The following KDM4C variants were observed in gnomAD, a reference collection of about 807,000 sequenced individuals.
The protein encoded by KDM4C is lysine demethylase 4C.
In KDM4C, 81 loss-of-function variants were observed where a neutral mutation model predicts 129.3. The ratio of observed to expected loss-of-function variants is 0.63; its 90% CI spans 0.52 to 0.75. The LOEUF (loss-of-function observed/expected upper bound fraction) is 0.75, where lower values mean the gene tolerates loss of function less well. Among genes scored for constraint, KDM4C ranks in the 30% least tolerant of loss-of-function variants. KDM4C has a pLI of 0.00. For missense variants in KDM4C, 1,457 were observed against 1,304.0 expected (o/e 1.12, Z -1.81); for synonymous variants, 573 against 456.1 (o/e 1.26, Z -3.26).
chr9:6,773,361 T>C (rs1247446050), intron 1 of KDM4C, among the ~76,000 whole-genome samples: 1 of 152,208 alleles, frequency 6.6e-6, no homozygotes, highest in Non-Finnish European at 1.5e-5. Context: ...AGACAAATTA[T>C]TTATTTAATG....
intron 12 of KDM4C, among the ~76,000 whole-genome samples, chr9:6,998,355 A>T (rs1185272939): frequency 6.6e-6 from 1 of 152,234 alleles, no homozygotes; most frequent in Non-Finnish European, 1.5e-5. Context: ...CATTTAACCC[A>T]TCTAACCCAG....
chr9:6,956,843 G>A (rs2131561669), intron 8 of KDM4C, among the ~76,000 whole-genome samples: 1 of 152,226 alleles, frequency 6.6e-6, no homozygotes, highest in East Asian at 1.9e-4. Flanking sequence ...GGCATAGTAG[G>A]GTATCCATTT....
At chr9:6,726,665 G>A (rs1817142381) in intron 1 of KDM4C, 1 of 152,214 alleles carries the variant, frequency 6.6e-6, no homozygotes, top group African/African-American at 2.4e-5. Context: ...ACCTCCCAAG[G>A]TGCCATTCAT....
At chr9:7,097,297 T>C (rs1836552378) in intron 17 of KDM4C, among the ~76,000 whole-genome samples, 1 of 152,250 alleles carries the variant, frequency 6.6e-6, no homozygotes, top group Non-Finnish European at 1.5e-5. Context: ...GCTGACGCAC[T>C]GCACATAGCA....
At chr9:7,112,610 G>C (rs1217705973) in intron 18 of KDM4C, among the ~76,000 whole-genome samples, 2 of 152,194 alleles carry the variant, frequency 1.3e-5, no homozygotes, top group Non-Finnish European at 2.9e-5. Flanking sequence ...CTTTCAGTGT[G>C]CCCATCTAAT....
At chr9:6,953,724 G>T (rs905290571) in intron 8 of KDM4C, among the ~76,000 whole-genome samples, 11 of 152,236 alleles carry the variant, frequency 7.2e-5, no homozygotes, top group African/African-American at 2.6e-4. Flanking sequence ...TTTTAAAAAC[G>T]TCAACTATAG....
At chr9:7,000,517 T>C (rs1820536970) in intron 12 of KDM4C, among the ~76,000 whole-genome samples, 1 of 152,184 alleles carries the variant, frequency 6.6e-6, no homozygotes, top group Non-Finnish European at 1.5e-5. Flanking sequence ...ATAAATAAAT[T>C]CAACCATAAC....
Position 6,779,032 on chromosome 9 carries a change from C to CTTTTTTTTTTTTTT in KDM4C, c.-17-13939_-17-13926dup, listed in dbSNP as rs60503128. Among the ~76,000 whole-genome samples, 37 of 94,622 alleles carry CTTTTTTTTTTTTTT rather than the reference C, an allele frequency of 3.9e-4. 3 individuals carry two copies. The highest frequency in any genetic ancestry group is 1.2e-3 in the African/African-American group (24 of 19,396). The allele number at this position is 94,622 out of a possible 152,430, so 62.1% of individuals were successfully genotyped here. ...CTACCTCACCAGGCCTGATTAAAGT[C>CTTTTTTTTTTTTTT]TTTTTTTTTTTTTTGAGATGGAGTC... On this transcript the variant is annotated intron_variant, in intron 1 of 21. Coordinates refer to ENST00000381309, the MANE Select transcript of KDM4C (RefSeq NM_015061.6).
chr9:6,877,100 T>C (rs1843680641), intron 5 of KDM4C, among the ~76,000 whole-genome samples: 1 of 152,204 alleles, frequency 6.6e-6, no homozygotes, highest in Non-Finnish European at 1.5e-5. Flanking sequence ...ATGTTTCTGC[T>C]GTCCTTCATT....
chr9:6,744,958 G>A lies in KDM4C; in HGVS notation c.49+23961G>A, dbSNP rs116521201. Among the ~76,000 whole-genome samples the A allele has an allele frequency of 3.6e-3, 550 of 152,160 alleles. 4 individuals are homozygous for A. The highest frequency in any genetic ancestry group is 0.013 in the African/African-American group (529 of 41,528). Reference sequence around the variant, plus strand: ...GCAGATATATGGGATGGAGGTGCACGGCCAGCCCTCTTCCTCCTCCTATTC... The same window carrying A: ...GCAGATATATGGGATGGAGGTGCACAGCCAGCCCTCTTCCTCCTCCTATTC... On this transcript the variant is annotated intron_variant, in intron 1 of 17. Coordinates refer to the KDM4C transcript ENST00000536108.
At chr9:7,001,222 T>C (rs1416277298) in intron 12 of KDM4C, among the ~76,000 whole-genome samples, 1 of 152,220 alleles carries the variant, frequency 6.6e-6, no homozygotes, top group Non-Finnish European at 1.5e-5. Flanking sequence ...ATTCCATTGT[T>C]TTAGTGTTTA....
chr9:6,843,426 G>C (rs1837330274), intron 4 of KDM4C, among the ~76,000 whole-genome samples: 2 of 152,220 alleles, frequency 1.3e-5, no homozygotes, highest in Non-Finnish European at 2.9e-5. Context: ...CTATAAGGTA[G>C]GCATGTGTGG....
At chr9:7,046,776 C>T in intron 15 of KDM4C, 86 bp from the exon 16 acceptor site, 1 of 919,032 alleles carries the variant, frequency 1.1e-6, no homozygotes, top group Admixed American at 1.8e-5. Context: ...AATGAAAAAT[C>T]AGGATCTCTG....
At chr9:7,062,547 C>A (rs150008478) in intron 17 of KDM4C, among the ~76,000 whole-genome samples, 1 of 151,990 alleles carries the variant, frequency 6.6e-6, no homozygotes, top group East Asian at 1.9e-4. Context: ...ACTACTATTT[C>A]CAGCTAATTT....
chr9:6,986,758 G>T, intron 11 of KDM4C, 92 bp downstream of exon 11: 1 of 864,180 alleles, frequency 1.2e-6, no homozygotes. Flanking sequence ...CCTCCTTTAG[G>T]GCACAGATAA....
chr9:7,101,420 A>T (rs1439713847), intron 17 of KDM4C, among the ~76,000 whole-genome samples: 1 of 152,212 alleles, frequency 6.6e-6, no homozygotes, highest in Non-Finnish European at 1.5e-5. Context: ...ATGCATTCGC[A>T]ATGGCTCCCC....
intron 5 of KDM4C, among the ~76,000 whole-genome samples, chr9:6,866,668 T>C (rs1001013188): frequency 2.0e-5 from 3 of 152,006 alleles, no homozygotes; most frequent in Non-Finnish European, 2.9e-5. Flanking sequence ...CCCACAATGG[T>C]GGGAAAGCTG....
rs530316136 is a variant in KDM4C, at chr9:6,740,329, T to C, written c.49+19332T>C. ...CGCCATTCTCCTGCCTCAGCCTCCC[T>C]AGCAGCTGAGACTACAGGCGCCCGT... On this transcript the variant is annotated intron_variant, in intron 1 of 17. Coordinates refer to the KDM4C transcript ENST00000536108. Among the ~76,000 whole-genome samples, 1,445 of 151,038 alleles carry C rather than the reference T, an allele frequency of 9.6e-3. 22 individuals are homozygous for C. The highest frequency in any genetic ancestry group is 0.033 in the African/African-American group (1,375 of 41,104).
chr9:6,910,359 A>G (rs1178129475), intron 8 of KDM4C, among the ~76,000 whole-genome samples: 3 of 152,156 alleles, frequency 2.0e-5, no homozygotes, highest in Non-Finnish European at 2.9e-5. Flanking sequence ...AATTTTTACA[A>G]CTGTCCTATA....
Sources: allele counts gnomAD v4.1 joint callset (sites outside exome capture counted in the v4.1 genomes callset), GRCh38; gene constraint gnomAD v4.1.1; transcripts MANE v1.5; gene names NCBI Gene and HGNC (gene_info 2026-07-23, HGNC 2026-07-21).